Variants in SUPT3H observed in about 807,000 individuals in gnomAD.
SUPT3H encodes the protein transcription initiation protein SPT3 homolog.
A neutral mutation model predicts 44.3 loss-of-function variants in SUPT3H; 44 were observed. The observed-to-expected ratio is 0.99, with a 90% confidence interval of 0.78 to 1.28. SUPT3H has a LOEUF of 1.28. Ranked by LOEUF, SUPT3H falls within the 50% of genes most tolerant of loss-of-function variation. The pLI is 0.00. For missense variants in SUPT3H, 380 were observed against 387.1 expected (o/e 0.98, Z 0.15); for synonymous variants, 124 against 125.6 (o/e 0.99, Z 0.09).
intron 4 of SUPT3H, among the ~76,000 whole-genome samples, chr6:45,016,182 A>G (rs1374428937): frequency 6.6e-6 from 1 of 152,092 alleles, no homozygotes; most frequent in Non-Finnish European, 1.5e-5. Context: ...GCATTGCACT[A>G]CAATGTTAGT....
chr6:45,014,708 A>G, intron 5 of SUPT3H, 93 bp downstream of exon 5: 1 of 755,956 alleles, frequency 1.3e-6, no homozygotes, highest in Non-Finnish European at 2.0e-6. Flanking sequence ...AAAATTAACT[A>G]GTTCTCCAGT....
chr6:45,042,502 T>C (rs183079587), intron 3 of SUPT3H, among the ~76,000 whole-genome samples: 4 of 152,336 alleles, frequency 2.6e-5, no homozygotes, highest in Admixed American at 1.3e-4. Context: ...GCTTACTATA[T>C]GTCTGGAATA....
chr6:44,836,526 A>AT (rs1769936255), intron 10 of SUPT3H, among the ~76,000 whole-genome samples: 2 of 152,264 alleles, frequency 1.3e-5, no homozygotes, highest in African/African-American at 4.8e-5. Context: ...GGAACTTGTC[A>AT]TTTTATGCCC....
At chr6:45,022,627 AGTAT>A (rs1785327030) in intron 3 of SUPT3H, among the ~76,000 whole-genome samples, 1 of 152,018 alleles carries the variant, frequency 6.6e-6, no homozygotes, top group Non-Finnish European at 1.5e-5. Flanking sequence ...CTGCCTAGTT[AGTAT>A]GTCTCTGGAA....
intron 3 of SUPT3H, among the ~76,000 whole-genome samples, chr6:45,059,847 T>A (rs1328364350): frequency 1.3e-5 from 2 of 151,980 alleles, no homozygotes; most frequent in Non-Finnish European, 2.9e-5. Flanking sequence ...CATTCACAAT[T>A]GCCACAAAAA....
chr6:45,159,957 A>G (rs1030363771), intron 2 of SUPT3H, among the ~76,000 whole-genome samples: 1 of 152,204 alleles, frequency 6.6e-6, no homozygotes, highest in African/African-American at 2.4e-5. Context: ...CCCAAAAATT[A>G]ATGCGAGTTA....
chr6:45,062,551 G>C (rs550239285), intron 3 of SUPT3H, among the ~76,000 whole-genome samples: 2 of 152,178 alleles, frequency 1.3e-5, no homozygotes, highest in African/African-American at 4.8e-5. Flanking sequence ...CTGAGGTACC[G>C]GGTGCATCTC....
intron 2 of SUPT3H, among the ~76,000 whole-genome samples, chr6:45,304,801 T>C (rs1300313212): frequency 6.6e-6 from 1 of 152,210 alleles, no homozygotes; most frequent in Non-Finnish European, 1.5e-5. Context: ...ACAATGCCAT[T>C]ATACCTAGAT....
Position 45,224,482 on chromosome 6 carries a change from T to A in SUPT3H, c.102-118476A>T, listed in dbSNP as rs541336483. Among the ~76,000 whole-genome samples, 28 of 152,196 alleles carry A rather than the reference T, an allele frequency of 1.8e-4. No homozygotes were observed. The East Asian group carries it at 5.4e-3, about 29-fold the overall frequency. On this transcript the variant is annotated intron_variant, in intron 2 of 10. Coordinates refer to ENST00000371459, the MANE Select transcript of SUPT3H (RefSeq NM_003599.4). ...CAATACATCTTCAAAAAAATTTAAA[T>A]CTCTATATATTACCATCATTTGACA... is the stretch of plus-strand genomic sequence containing the variant.
intron 10 of SUPT3H, among the ~76,000 whole-genome samples, chr6:44,921,162 T>C (rs1768660952): frequency 6.6e-6 from 1 of 152,226 alleles, no homozygotes; most frequent in Non-Finnish European, 1.5e-5. Context: ...CACATGCTTA[T>C]TGAATAAATG....
intron 2 of SUPT3H, among the ~76,000 whole-genome samples, chr6:45,292,954 A>G (rs1214357260): frequency 1.3e-5 from 2 of 151,752 alleles, no homozygotes; most frequent in Non-Finnish European, 2.9e-5. Context: ...CAAAGAAACA[A>G]TGGATTTAAA....
Position 44,953,349 on chromosome 6 carries a change from G to T in SUPT3H, c.762C>A (p.Ala254=), listed in dbSNP as rs764651864. 2 of 1,613,976 alleles carry T rather than the reference G, an allele frequency of 1.2e-6. No individual in the cohort carries two copies. The highest frequency in any genetic ancestry group is 2.7e-5 in the African/African-American group (2 of 74,912). Residue 254 remains alanine (A), a synonymous_variant, in exon 9 of 11, where the codon GCC becomes GCA. Transcript: ENST00000371459. ...GATACTGAATGAAGGTTGCAGAAATGGCATGGCTGAAGGGGTCCCCTGCCT... is the reference window on the plus strand; with the variant it reads ...GATACTGAATGAAGGTTGCAGAAATTGCATGGCTGAAGGGGTCCCCTGCCT... ...VTKAGDPFSH[A]ISATFIQYHN...
chr6:45,080,517 T>C (rs1937047), intron 3 of SUPT3H, among the ~76,000 whole-genome samples: 54,533 of 151,842 alleles, frequency 0.36, 10,519 homozygotes, highest in Non-Finnish European at 0.43. Flanking sequence ...TAGTAAAGAT[T>C]TGGAAGCAAC....
chr6:45,154,315 A>G (rs1159822893), intron 2 of SUPT3H, among the ~76,000 whole-genome samples: 1 of 152,088 alleles, frequency 6.6e-6, no homozygotes, highest in Non-Finnish European at 1.5e-5. Context: ...CTGTTCAATG[A>G]AGAAATGACT....
chr6:45,285,691 G>GCA (rs1189015533), intron 2 of SUPT3H, among the ~76,000 whole-genome samples: 6 of 152,222 alleles, frequency 3.9e-5, no homozygotes, highest in African/African-American at 1.4e-4. Context: ...TAGATTCAAT[G>GCA]CCATCCCCAT....
chr6:45,255,123 T>C lies in SUPT3H; in HGVS notation c.101+110078A>G, dbSNP rs552354605. On this transcript the variant is annotated intron_variant, in intron 2 of 10. Transcript: ENST00000371459. ...ATTAGTTGCTGCTAATCTCATACTA[T>C]GCCTAATTAATTAAACTTTATCAAA... Among the ~76,000 whole-genome samples the C allele has an allele frequency of 3.9e-5, 6 of 152,274 alleles. No individual in the cohort carries two copies. In the South Asian group the frequency reaches 8.3e-4, roughly 21 times the overall value.
intron 2 of SUPT3H, among the ~76,000 whole-genome samples, chr6:45,244,734 T>G (rs1771034330): frequency 6.6e-6 from 1 of 152,172 alleles, no homozygotes; most frequent in Non-Finnish European, 1.5e-5. Flanking sequence ...ACACCCAACA[T>G]TCTCTTTCAC....
chr6:45,363,149 G>A (rs1347244381), intron 2 of SUPT3H, among the ~76,000 whole-genome samples: 8 of 151,872 alleles, frequency 5.3e-5, no homozygotes, highest in South Asian at 4.1e-4. Context: ...AGTCTCTGTC[G>A]CAAATACTCA....
At chr6:45,367,917 T>C (rs974575161) in intron 1 of SUPT3H, among the ~76,000 whole-genome samples, 1 of 152,188 alleles carries the variant, frequency 6.6e-6, no homozygotes, top group African/African-American at 2.4e-5. Flanking sequence ...CTCTTTAAAA[T>C]AATTATTTCC....
Sources: gnomAD v4.1 joint callset for allele counts (sites outside exome capture counted in the v4.1 genomes callset) on GRCh38, gnomAD v4.1.1 for gene constraint, MANE v1.5 for transcripts, NCBI Gene and HGNC (gene_info 2026-07-23, HGNC 2026-07-21) for gene names.